The following GALNTL6 variants were observed in gnomAD, a reference collection of about 807,000 sequenced individuals.
The protein encoded by GALNTL6 is polypeptide N-acetylgalactosaminyltransferase like 6.
In GALNTL6, 46 loss-of-function variants were observed where a neutral mutation model predicts 73.7. That is an observed-to-expected ratio of 0.62 (90% confidence interval 0.49 to 0.80). The LOEUF is 0.80. Ranked by LOEUF, GALNTL6 falls within the 30% of genes least tolerant of loss-of-function variation. The probability of loss-of-function intolerance (pLI) is 0.00; values close to 1 mark genes in which losing one functional copy is unlikely to be tolerated. For missense variants in GALNTL6, 604 were observed against 755.0 expected, an observed-to-expected ratio of 0.80 and a Z score of 2.34; for synonymous variants, 259 against 263.7, an observed-to-expected ratio of 0.98 and a Z score of 0.17.
intron 12 of GALNTL6, among the ~76,000 whole-genome samples, chr4:173,033,385 C>A (rs867245853): frequency 7.9e-4 from 112 of 142,452 alleles, no homozygotes; most frequent in East Asian, 1.3e-3. Context: ...TTCTAGCTGT[C>A]AAAAAAAAAA....
intron 2 of GALNTL6, among the ~76,000 whole-genome samples, chr4:172,031,843 A>G (rs1368017448): frequency 6.6e-6 from 1 of 152,020 alleles, no homozygotes; most frequent in East Asian, 1.9e-4. Context: ...AGTACCACAG[A>G]TGGATGTTTA....
At chr4:172,275,329 A>G (rs986291661) in intron 3 of GALNTL6, among the ~76,000 whole-genome samples, 1 of 152,232 alleles carries the variant, frequency 6.6e-6, no homozygotes, top group African/African-American at 2.4e-5. Context: ...TAAATAATTT[A>G]TTCTTACCAT....
At position 172,565,829 on chromosome 4, in the gene GALNTL6, T is replaced by C. The variant is rs185651483; in HGVS notation, c.553+217140T>C. On this transcript the variant is annotated intron_variant, in intron 5 of 12. Coordinates refer to ENST00000506823, the MANE Select transcript of GALNTL6 (RefSeq NM_001034845.3). ...TCTCTATTTCTTCATGATTCAGTGT[T>C]GGTAGATTGTATGGTTCTAGGAATT... 1.6e-3 allele frequency among the ~76,000 whole-genome samples: 240 copies of C among 152,308 alleles called. 1 individual carries two copies. Among genetic ancestry groups the C allele is most frequent in the African/African-American group, 5.5e-3 (227 of 41,576 alleles).
At chr4:172,541,590 A>G (rs1735551173) in intron 5 of GALNTL6, among the ~76,000 whole-genome samples, 1 of 152,218 alleles carries the variant, frequency 6.6e-6, no homozygotes, top group African/African-American at 2.4e-5. Context: ...TGAGTAGGCA[A>G]CTTGAGAGGC....
chr4:172,075,734 C>T (rs1317087214), intron 2 of GALNTL6, among the ~76,000 whole-genome samples: 1 of 152,036 alleles, frequency 6.6e-6, no homozygotes, highest in African/African-American at 2.4e-5. Flanking sequence ...TGCTCTAATA[C>T]CCTGCCAGAA....
At chr4:172,910,283 C>T (rs1310651951) in intron 8 of GALNTL6, among the ~76,000 whole-genome samples, 1 of 152,108 alleles carries the variant, frequency 6.6e-6, no homozygotes, top group African/African-American at 2.4e-5. Flanking sequence ...AGGTCTCTAC[C>T]TTATGAAATT....
intron 5 of GALNTL6, among the ~76,000 whole-genome samples, chr4:172,576,993 A>T (rs989909631): frequency 6.6e-6 from 1 of 152,130 alleles, no homozygotes; most frequent in African/African-American, 2.4e-5. Flanking sequence ...AATCTGTCAG[A>T]CACTGGAGTT....
chr4:172,132,854 T>C (rs1444662221), intron 2 of GALNTL6, among the ~76,000 whole-genome samples: 1 of 152,170 alleles, frequency 6.6e-6, no homozygotes, highest in Non-Finnish European at 1.5e-5. Context: ...TTTAAGTATC[T>C]TTTTTCCCCT....
chr4:172,058,538 G>C (rs946737560), intron 2 of GALNTL6, among the ~76,000 whole-genome samples: 1 of 151,784 alleles, frequency 6.6e-6, no homozygotes, highest in Admixed American at 6.6e-5. Context: ...TTTTGTGTCT[G>C]TGTGTGTGTG....
chr4:172,806,774 C>G (rs369797623), intron 5 of GALNTL6, among the ~76,000 whole-genome samples: 1 of 152,072 alleles, frequency 6.6e-6, no homozygotes, highest in East Asian at 1.9e-4. Flanking sequence ...TGTTTAGTCC[C>G]CAGTGACTGT....
intron 5 of GALNTL6, among the ~76,000 whole-genome samples, chr4:172,718,457 C>A (rs1319238863): frequency 6.6e-6 from 1 of 151,790 alleles, no homozygotes; most frequent in African/African-American, 2.4e-5. Flanking sequence ...CACAGGGAGA[C>A]CCTGTCTCTA....
chr4:172,695,168 C>T (rs1018424126), intron 5 of GALNTL6, among the ~76,000 whole-genome samples: 6 of 151,792 alleles, frequency 4.0e-5, no homozygotes, highest in African/African-American at 4.8e-5. Context: ...TTTACAATGT[C>T]GACATAAAAA....
intron 7 of GALNTL6, among the ~76,000 whole-genome samples, chr4:172,838,160 G>T (rs1484596333): frequency 1.3e-5 from 2 of 152,150 alleles, no homozygotes; most frequent in African/African-American, 4.8e-5. Context: ...GGGGGGCACA[G>T]ATCTGAGTTC....
rs922900451 is a variant in GALNTL6, at chr4:172,861,909, A to G, written c.924-20881A>G. Reference sequence around the variant, plus strand: ...TTTCCTTTATAAATTACCCAGTCTCAGGTATGTCCTTATTAGCAGTGTGAG... The same window carrying G: ...TTTCCTTTATAAATTACCCAGTCTCGGGTATGTCCTTATTAGCAGTGTGAG... On this transcript the variant is annotated intron_variant, in intron 7 of 12. Transcript: ENST00000506823. 3.3e-5 allele frequency among the ~76,000 whole-genome samples: 5 copies of G among 152,180 alleles called. No individual in the cohort carries two copies. In the East Asian group the frequency reaches 7.7e-4, roughly 23 times the overall value.
At chr4:172,793,225 A>G (rs937562537) in intron 5 of GALNTL6, among the ~76,000 whole-genome samples, 1 of 152,146 alleles carries the variant, frequency 6.6e-6, no homozygotes, top group Admixed American at 6.5e-5. Flanking sequence ...ATCACTTTTA[A>G]TGTGTATTAT....
At chr4:172,593,095 T>C (rs940462834) in intron 5 of GALNTL6, among the ~76,000 whole-genome samples, 7 of 152,188 alleles carry the variant, frequency 4.6e-5, no homozygotes, top group Non-Finnish European at 1.0e-4. Flanking sequence ...GCTGTTTATA[T>C]TCTAAAAAAC....
intron 5 of GALNTL6, among the ~76,000 whole-genome samples, chr4:172,775,471 C>T (rs569359009): frequency 4.4e-4 from 67 of 152,198 alleles, no homozygotes; most frequent in Non-Finnish European, 9.0e-4. Flanking sequence ...TGTCATCATG[C>T]ATTATTGCAC....
intron 5 of GALNTL6, among the ~76,000 whole-genome samples, chr4:172,701,951 A>G (rs1023610711): frequency 5.9e-5 from 9 of 152,092 alleles, no homozygotes; most frequent in Admixed American, 5.9e-4. Flanking sequence ...ATAAAATCAA[A>G]CAAAATAAAA....
At chr4:172,371,811 C>T (rs1742823409) in intron 5 of GALNTL6, among the ~76,000 whole-genome samples, 1 of 152,146 alleles carries the variant, frequency 6.6e-6, no homozygotes, top group Admixed American at 6.5e-5. Context: ...CTCCCCTCTC[C>T]TTCCTCTTTT....
Sources: gnomAD v4.1 joint callset for allele counts (sites outside exome capture counted in the v4.1 genomes callset) on GRCh38, gnomAD v4.1.1 for gene constraint, MANE v1.5 for transcripts, NCBI Gene and HGNC (gene_info 2026-07-23, HGNC 2026-07-21) for gene names.